Variants in UBIAD1 observed in about 807,000 individuals in gnomAD.
UBIAD1 encodes UbiA prenyltransferase domain containing 1.
A neutral mutation model predicts 20.1 loss-of-function variants in UBIAD1; 12 were observed. The ratio of observed to expected loss-of-function variants is 0.60; its 90% CI spans 0.38 to 0.97. UBIAD1 has a LOEUF of 0.97. Ranked by LOEUF, UBIAD1 falls within the 50% of genes least tolerant of loss-of-function variation. The pLI is 0.00. For missense variants in UBIAD1, 333 were observed against 419.5 expected (o/e 0.79, Z 1.80); for synonymous variants, 207 against 189.2 (o/e 1.09, Z -0.77).
At chr1:11,274,939 T>C (rs1434018681) in intron 1 of UBIAD1, among the ~76,000 whole-genome samples, 1 of 152,222 alleles carries the variant, frequency 6.6e-6, no homozygotes, top group East Asian at 1.9e-4. Context: ...TCATTTTTTT[T>C]TTTAATCACT....
chr1:11,290,895 G>A (rs147911844), downstream of UBIAD1, among the ~76,000 whole-genome samples: 6 of 152,186 alleles, frequency 3.9e-5, no homozygotes, highest in East Asian at 3.9e-4. Flanking sequence ...CCCAGGAAGC[G>A]GAGGTTGCAG....
intron 1 of UBIAD1, among the ~76,000 whole-genome samples, chr1:11,293,800 C>T (rs1346162384): frequency 6.6e-6 from 1 of 152,202 alleles, no homozygotes; most frequent in African/African-American, 2.4e-5. Flanking sequence ...CTCAGCCTCC[C>T]AAGCAGCTGG....
downstream of UBIAD1, among the ~76,000 whole-genome samples, chr1:11,297,756 C>T (rs184835603): frequency 6.6e-6 from 1 of 151,972 alleles, no homozygotes; most frequent in East Asian, 1.9e-4. Context: ...TGAAGAAGTC[C>T]TGGATGGAGA....
Position 11,286,802 on chromosome 1 carries a change from AG to A in UBIAD1, c.*674del, listed in dbSNP as rs1638270232. 6.6e-6 allele frequency: 1 copy of A among 151,380 alleles called. No individual in the cohort carries two copies. Among genetic ancestry groups the A allele is most frequent in the East Asian group, 2.1e-4 (1 of 4,832 alleles). 9.4% of individuals were successfully genotyped at this position (151,380 alleles called of 1,614,324 possible). On this transcript the variant is annotated 3_prime_UTR_variant, in exon 2 of 2. Transcript: ENST00000376810. ...GCAGCAAGACAAGCCAAGGACTGGG[AG>A]GGAAAAAAAAACCACTCTGGAGGCA... is the stretch of plus-strand genomic sequence containing the variant.
intron 1 of UBIAD1, among the ~76,000 whole-genome samples, chr1:11,274,741 C>T (rs1651942754): frequency 6.6e-6 from 1 of 152,040 alleles, no homozygotes; most frequent in Admixed American, 6.6e-5. Flanking sequence ...CCCCGAGTAG[C>T]TGGGACTACA....
In UBIAD1 at chr1:11,285,709, G is replaced by T; in HGVS notation, c.595G>T (p.Val199Leu). The T allele has an allele frequency of 6.2e-7, 1 of 1,614,182 alleles. No homozygotes were observed. The highest frequency in any genetic ancestry group is 8.5e-7 in the Non-Finnish European group (1 of 1,180,038). The change falls in exon 2 of 2, where the codon GTG becomes TTG. Residue 199 changes from valine to leucine, a missense_variant. Transcript: ENST00000376810. The surrounding 1 kb of genome is among the most constrained non-coding windows in gnomAD (Gnocchi z 4.4). ...CCTCATCACTTTTGGCCCGCTGGCTGTGATGTTCGCCTACGCCATCCAGGT... is the reference window on the plus strand; with the variant it reads ...CCTCATCACTTTTGGCCCGCTGGCTTTGATGTTCGCCTACGCCATCCAGGT... ...IILITFGPLAVMFAYAIQVGS... is the reference protein window; with the variant it reads ...IILITFGPLALMFAYAIQVGS...
chr1:11,296,463 A>G (rs1477907705), downstream of UBIAD1, among the ~76,000 whole-genome samples: 1 of 152,170 alleles, frequency 6.6e-6, no homozygotes, highest in East Asian at 1.9e-4. Flanking sequence ...TAGTGCTCAC[A>G]GAGTACTTAG....
chr1:11,297,960 T>C (rs1454936605), downstream of UBIAD1, among the ~76,000 whole-genome samples: 1 of 141,010 alleles, frequency 7.1e-6, no homozygotes, highest in Non-Finnish European at 1.5e-5. Flanking sequence ...TTGTTTTTTG[T>C]TTTTTTGTTT....
In UBIAD1 at chr1:11,286,535, GT is replaced by G. The variant is rs2101023791; in HGVS notation, c.*406del. ...AAAGACCCTAATAACTAGGCAGAGT[GT>G]TGTCCTGCTTTCTTCGTCTCGTAGG... On this transcript the variant is annotated 3_prime_UTR_variant, in exon 2 of 2. Coordinates refer to ENST00000376810, the MANE Select transcript of UBIAD1 (RefSeq NM_013319.3). 3 of 310,506 alleles carry G rather than the reference GT, an allele frequency of 9.7e-6. No individual in the cohort carries two copies. The highest frequency in any genetic ancestry group is 8.8e-5 in the South Asian group (3 of 34,076). 19.2% of individuals were successfully genotyped at this position (310,506 alleles called of 1,614,324 possible).
intron 1 of UBIAD1, chr1:11,294,796 G>A: frequency 1.4e-6 from 1 of 717,406 alleles, no homozygotes; most frequent in Non-Finnish European, 2.6e-6. Flanking sequence ...GATGATGGAG[G>A]CGAAGGTTCA....
intron 1 of UBIAD1, 72 bp downstream of exon 1, chr1:11,274,132 G>T: frequency 6.3e-7 from 1 of 1,579,570 alleles, no homozygotes. Flanking sequence ...TTGTAAAGGA[G>T]TTATAGGGAT....
At chr1:11,298,996 C>G (rs1029725708), downstream of UBIAD1, among the ~76,000 whole-genome samples, 1 of 152,134 alleles carries the variant, frequency 6.6e-6, no homozygotes, top group Non-Finnish European at 1.5e-5. The surrounding 1 kb of genome is among the most constrained non-coding windows in gnomAD (Gnocchi z 4.0). Flanking sequence ...TGGTGAGGAG[C>G]GAAGATAACC....
intron 1 of UBIAD1, among the ~76,000 whole-genome samples, chr1:11,283,081 C>T (rs554506923): frequency 5.3e-5 from 8 of 151,108 alleles, no homozygotes; most frequent in Admixed American, 4.6e-4. Flanking sequence ...AGGCTGGTCT[C>T]GAACCCCTGA....
In UBIAD1 at chr1:11,281,250, C is replaced by G. The variant is rs560321477; in HGVS notation, c.530-4394C>G. Among the ~76,000 whole-genome samples, 9 of 152,308 alleles carry G rather than the reference C, an allele frequency of 5.9e-5. No individual in the cohort carries two copies. The East Asian group carries it at 1.7e-3, about 29-fold the overall frequency. On this transcript the variant is annotated intron_variant, in intron 1 of 1. Coordinates refer to ENST00000376810, the MANE Select transcript of UBIAD1 (RefSeq NM_013319.3). ...TCTACCTTGCTTAAAATTACACACCCACTCCGTGCCCCCACCTGATACTTC... is the reference window on the plus strand; with the variant it reads ...TCTACCTTGCTTAAAATTACACACCGACTCCGTGCCCCCACCTGATACTTC...
At chr1:11,298,413 C>G (rs149253333), downstream of UBIAD1, among the ~76,000 whole-genome samples, 1,723 of 151,882 alleles carry the variant, frequency 0.011, 35 homozygotes, top group African/African-American at 0.039. This position sits in a 1 kb window ranked among gnomAD's most constrained non-coding sequence, Gnocchi z 4.0. Flanking sequence ...ACTAAAAATA[C>G]AAAAATTAGC....
In UBIAD1 at chr1:11,286,019, G is replaced by A. The variant is rs529178031; in HGVS notation, c.905G>A (p.Ser302Asn). The A allele has an allele frequency of 3.7e-6, 6 of 1,614,194 alleles. No homozygotes were observed. The South Asian group carries it at 6.6e-5, about 18-fold the overall frequency. ...TTCTCCCTTGAGAGACAGTTTCGAA[G>A]CCAGGCCTTCAACAAACTGCCCCAG... Reference protein sequence around the residue: ...MAFSLERQFRSQAFNKLPQRT... With the variant: ...MAFSLERQFRNQAFNKLPQRT... The change falls in exon 2 of 2, where the codon AGC becomes AAC. Residue 302 changes from serine to asparagine, a missense_variant. This residue lies in a region of UBIAD1 where 226 missense variants were observed against 263.5 expected (regional missense o/e 0.86). Transcript: ENST00000376810.
At chr1:11,289,667 C>CATA (rs1638333183), downstream of UBIAD1, among the ~76,000 whole-genome samples, 1 of 151,552 alleles carries the variant, frequency 6.6e-6, no homozygotes, top group African/African-American at 2.4e-5. Flanking sequence ...GATTCAAAGC[C>CATA]ATTCTCCTGC....
chr1:11,274,882 A>G (rs533442054), intron 1 of UBIAD1, among the ~76,000 whole-genome samples: 43 of 152,220 alleles, frequency 2.8e-4, no homozygotes, highest in African/African-American at 9.6e-4. Context: ...TGCTGGGATT[A>G]CAGGCGTGAG....
chr1:11,274,035 G>T lies in UBIAD1; in HGVS notation c.504G>T (p.Leu168=). The stretch of plus-strand genomic sequence containing the variant: ...TGGCTCTTATCTACTTTGGAGGCCT[G>T]TCTGGCTCCTTTCTCTACACAGGAG... The part of the protein sequence containing the change: ...EHLALIYFGG[L]SGSFLYTGGI... The change falls in exon 1 of 2, where the codon CTG becomes CTT. Residue 168 remains leucine (L), a synonymous_variant. Coordinates refer to ENST00000376810, the MANE Select transcript of UBIAD1 (RefSeq NM_013319.3). The T allele has an allele frequency of 6.2e-7, 1 of 1,614,146 alleles. No individual in the cohort carries two copies. The highest frequency in any genetic ancestry group is 1.1e-5 in the South Asian group (1 of 91,080).
Sources: gnomAD v4.1 joint callset for allele counts (sites outside exome capture counted in the v4.1 genomes callset) on GRCh38, gnomAD v4.1.1 for gene constraint, gnomAD v4.1.1 regional missense constraint, Gnocchi (gnomAD v3.1) non-coding constraint, MANE v1.5 for transcripts, NCBI Gene and HGNC (gene_info 2026-07-23, HGNC 2026-07-21) for gene names.